ADAMTS12: variants seen among roughly 807,000 people sequenced by gnomAD.
ADAMTS12 encodes A disintegrin and metalloproteinase with thrombospondin motifs 12.
ADAMTS12 carries 118 observed loss-of-function variants against 167.8 expected under a neutral mutation model. The observed-to-expected ratio is 0.70, with a 90% CI of 0.61 to 0.82. The LOEUF (loss-of-function observed/expected upper bound fraction) is 0.82, where lower values mean the gene tolerates loss of function less well. Among genes scored for constraint, ADAMTS12 ranks in the 40% least tolerant of loss-of-function variants. The probability of loss-of-function intolerance (pLI) is 0.00; values close to 1 mark genes in which losing one functional copy is unlikely to be tolerated. For missense variants in ADAMTS12, 1,916 were observed against 1,998.8 expected (o/e 0.96, Z 0.79); for synonymous variants, 704 against 716.9 (o/e 0.98, Z 0.29).
intron 5 of ADAMTS12, among the ~76,000 whole-genome samples, chr5:33,676,719 G>C (rs966113527): frequency 7.2e-5 from 10 of 138,644 alleles, no homozygotes; most frequent in Admixed American, 1.4e-4. Context: ...GAGAGAGAGA[G>C]AGAGAGAGAG....
chr5:33,642,208 A>T (rs746879692), intron 10 of ADAMTS12, among the ~76,000 whole-genome samples: 9 of 152,242 alleles, frequency 5.9e-5, no homozygotes, highest in Non-Finnish European at 1.0e-4. Context: ...TGTGGTTGGC[A>T]GATCGAGCAC....
In ADAMTS12 at chr5:33,630,930, A is replaced by C; in HGVS notation, c.1889-17T>G. On this transcript the variant is annotated splice_polypyrimidine_tract_variant and intron_variant, in intron 12 of 23. Transcript: ENST00000504830. ...AAGGATGTGCTGAAGGGAAAAAAGA[A>C]GGCAAAGCCTTGCAAATTAGCTTTT... The C allele has an allele frequency of 6.2e-7, 1 of 1,609,176 alleles. No homozygotes were observed. The highest frequency in any genetic ancestry group is 2.2e-5 in the East Asian group (1 of 44,756).
At chr5:33,648,581 G>A (rs1158077770) in intron 9 of ADAMTS12, among the ~76,000 whole-genome samples, 1 of 152,154 alleles carries the variant, frequency 6.6e-6, no homozygotes, top group African/African-American at 2.4e-5. Context: ...AATCACTATG[G>A]AGCTGTGTCA....
intron 23 of ADAMTS12, among the ~76,000 whole-genome samples, chr5:33,531,767 C>T (rs1420000724): frequency 6.6e-6 from 1 of 152,174 alleles, no homozygotes; most frequent in Admixed American, 6.5e-5. Context: ...CTCACATGTT[C>T]TTGGAAACCA....
chr5:33,563,441 C>T (rs558968820), intron 19 of ADAMTS12, among the ~76,000 whole-genome samples: 2 of 152,290 alleles, frequency 1.3e-5, no homozygotes, highest in Non-Finnish European at 2.9e-5. Context: ...CCTGCCTCTG[C>T]TATGAAACTA....
At chr5:33,597,931 T>C (rs1737986198) in intron 16 of ADAMTS12, among the ~76,000 whole-genome samples, 1 of 152,156 alleles carries the variant, frequency 6.6e-6, no homozygotes, top group Non-Finnish European at 1.5e-5. Context: ...CTGTAACAGG[T>C]TGGAAACATT....
rs1173092869 is a variant in ADAMTS12, at chr5:33,797,448, C to G, written c.490-45900G>C. On this transcript the variant is annotated intron_variant, in intron 2 of 23. Transcript: ENST00000504830. ...GATAAATCTTTTCTCTAAAATAAAA[C>G]TCTTATACAACCAATCTGAAACACA... 2.0e-5 allele frequency among the ~76,000 whole-genome samples: 3 copies of G among 151,626 alleles called. No individual in the cohort carries two copies. In the East Asian group the frequency reaches 5.8e-4, roughly 29 times the overall value.
chr5:33,641,772 C>T (rs1411661465), intron 11 of ADAMTS12, 38 bp downstream of exon 11: 2 of 1,537,820 alleles, frequency 1.3e-6, no homozygotes, highest in Non-Finnish European at 1.8e-6. Flanking sequence ...GCCCCCAGCA[C>T]ATGTGGAGAG....
At chr5:33,607,425 A>G (rs1481832952) in intron 16 of ADAMTS12, among the ~76,000 whole-genome samples, 4 of 152,208 alleles carry the variant, frequency 2.6e-5, no homozygotes, top group African/African-American at 9.6e-5. Flanking sequence ...TAAGGAGAAA[A>G]TAATTCTTAA....
intron 2 of ADAMTS12, among the ~76,000 whole-genome samples, chr5:33,830,814 A>G (rs1748271122): frequency 6.6e-6 from 1 of 152,092 alleles, no homozygotes; most frequent in Non-Finnish European, 1.5e-5. Flanking sequence ...TTTCATTTAT[A>G]TTGCTTCCAC....
At chr5:33,549,124 G>A in intron 21 of ADAMTS12, 83 bp downstream of exon 21, 1 of 1,506,038 alleles carries the variant, frequency 6.6e-7, no homozygotes, top group Non-Finnish European at 9.0e-7. Flanking sequence ...GGTCTTCCCT[G>A]ATTTCTACAC....
chr5:33,663,163 CT>C (rs1193814801), intron 5 of ADAMTS12, among the ~76,000 whole-genome samples: 18 of 152,226 alleles, frequency 1.2e-4, no homozygotes, highest in African/African-American at 4.1e-4. Flanking sequence ...CTAAAAGTCA[CT>C]GAGCTGCTCA....
chr5:33,733,779 C>T (rs1744274897), intron 3 of ADAMTS12, among the ~76,000 whole-genome samples: 1 of 152,050 alleles, frequency 6.6e-6, no homozygotes, highest in Non-Finnish European at 1.5e-5. Context: ...GACTCATCAG[C>T]GAGACACGGG....
chr5:33,871,481 T>G (rs563357292), intron 2 of ADAMTS12, among the ~76,000 whole-genome samples: 3 of 151,992 alleles, frequency 2.0e-5, no homozygotes, highest in African/African-American at 7.2e-5. Context: ...TAGTATTTAG[T>G]GATATATAAA....
chr5:33,759,583 A>T (rs1441110038), intron 2 of ADAMTS12, among the ~76,000 whole-genome samples: 1 of 152,186 alleles, frequency 6.6e-6, no homozygotes, highest in Non-Finnish European at 1.5e-5. Context: ...TGTCATGTTG[A>T]TGGACAGCAT....
At chr5:33,576,030 G>A (rs369209539) in intron 19 of ADAMTS12, 24 bp downstream of exon 19, 71 of 1,591,940 alleles carry the variant, frequency 4.5e-5, no homozygotes, top group Non-Finnish European at 5.9e-5. Flanking sequence ...TGTAAAACCA[G>A]GCCAGGGGTA....
Position 33,667,889 on chromosome 5 carries a change from A to G in ADAMTS12, c.916-5849T>C, listed in dbSNP as rs534295260. 6.6e-5 allele frequency among the ~76,000 whole-genome samples: 10 copies of G among 152,304 alleles called. No individual in the cohort carries two copies. In the East Asian group the frequency reaches 1.9e-3, roughly 29 times the overall value. Reference sequence around the variant, plus strand: ...AAAGCAACAGTTTTGGAAATCATTAAGATTCCAGAGCACCTTTGAAAGACT... The same window carrying G: ...AAAGCAACAGTTTTGGAAATCATTAGGATTCCAGAGCACCTTTGAAAGACT... On this transcript the variant is annotated intron_variant, in intron 5 of 23. Transcript: ENST00000504830.
intron 2 of ADAMTS12, among the ~76,000 whole-genome samples, chr5:33,794,517 C>T (rs751532627): frequency 2.6e-5 from 4 of 152,112 alleles, no homozygotes; most frequent in African/African-American, 4.8e-5. Flanking sequence ...TATTCTCATC[C>T]TGCTACACTG....
chr5:33,663,044 C>T (rs1046080598), intron 5 of ADAMTS12, among the ~76,000 whole-genome samples: 5 of 152,136 alleles, frequency 3.3e-5, no homozygotes, highest in African/African-American at 4.8e-5. Flanking sequence ...ATAAAAGGCC[C>T]GAGGGGCATC....
Sources: allele counts gnomAD v4.1 joint callset (sites outside exome capture counted in the v4.1 genomes callset), GRCh38; gene constraint gnomAD v4.1.1; transcripts MANE v1.5; gene names NCBI Gene and HGNC (gene_info 2026-07-23, HGNC 2026-07-21).